SEMA6A: variants seen among roughly 807,000 people sequenced by gnomAD.
SEMA6A encodes semaphorin 6A, also known as semaphorin-6A.
In SEMA6A, 25 loss-of-function variants were observed where a neutral mutation model predicts 96.8. The ratio of observed to expected loss-of-function variants is 0.26; its 90% confidence interval spans 0.19 to 0.36. SEMA6A has a LOEUF of 0.36. SEMA6A is among the 10% of genes least tolerant of loss of function. SEMA6A has a pLI of 1.00. For synonymous variants in SEMA6A, 612 were observed against 518.0 expected (o/e 1.18, Z -2.46); for missense variants, 1,363 against 1,323.1 (o/e 1.03, Z -0.47).
At chr5:116,484,028 C>A (rs1203370021) in intron 10 of SEMA6A, among the ~76,000 whole-genome samples, 1 of 141,626 alleles carries the variant, frequency 7.1e-6, no homozygotes, top group Non-Finnish European at 1.5e-5. Flanking sequence ...TAAGCCACTG[C>A]ACTCCAGCCT....
intron 10 of SEMA6A, among the ~76,000 whole-genome samples, chr5:116,484,957 G>A (rs568310231): frequency 6.6e-6 from 1 of 152,328 alleles, no homozygotes; most frequent in South Asian, 2.1e-4. Context: ...TCATGCCAGA[G>A]AGCTAGGGCT....
intron 1 of SEMA6A, among the ~76,000 whole-genome samples, chr5:116,560,671 A>G (rs2112903822): frequency 6.6e-6 from 1 of 152,166 alleles, no homozygotes; most frequent in South Asian, 2.1e-4. Flanking sequence ...CAGGGTCAAA[A>G]CTGCCACCCT....
intron 1 of SEMA6A, among the ~76,000 whole-genome samples, chr5:116,555,516 G>T (rs185165932): frequency 6.6e-6 from 1 of 152,116 alleles, no homozygotes. Flanking sequence ...AAACTTGTTT[G>T]TATCTATACA....
At chr5:116,566,345 C>T (rs910254342) in intron 1 of SEMA6A, among the ~76,000 whole-genome samples, 3 of 152,116 alleles carry the variant, frequency 2.0e-5, no homozygotes, top group Non-Finnish European at 4.4e-5. Context: ...GTTGGAAATT[C>T]CTAGAAAGCA....
intron 1 of SEMA6A, among the ~76,000 whole-genome samples, chr5:116,573,432 G>A (rs1761320427): frequency 6.6e-6 from 1 of 152,152 alleles, no homozygotes; most frequent in Non-Finnish European, 1.5e-5. Context: ...TTGCCGCTCG[G>A]GTTGGGAGCT....
intron 1 of SEMA6A, among the ~76,000 whole-genome samples, chr5:116,509,447 C>T (rs556032849): frequency 3.3e-4 from 50 of 152,250 alleles, no homozygotes; most frequent in South Asian, 6.2e-4. Flanking sequence ...ACATTAATGG[C>T]GTTGACCTTG....
At chr5:116,466,310 C>T (rs1329183513) in intron 18 of SEMA6A, among the ~76,000 whole-genome samples, 2 of 146,724 alleles carry the variant, frequency 1.4e-5, no homozygotes, top group Non-Finnish European at 3.0e-5. Context: ...ACTTGGGAGG[C>T]GGAGGTTGCA....
chr5:116,558,899 G>A (rs147896492), intron 1 of SEMA6A, among the ~76,000 whole-genome samples: 1 of 152,118 alleles, frequency 6.6e-6, no homozygotes, highest in African/African-American at 2.4e-5. Flanking sequence ...ACATTGAGCC[G>A]GGGGGAGAGG....
intron 17 of SEMA6A, chr5:116,468,437 T>C (rs1755905642): frequency 6.6e-6 from 1 of 152,216 alleles, no homozygotes; most frequent in African/African-American, 2.4e-5. Flanking sequence ...GCTGTCCCTT[T>C]TGTGTATTAT....
At chr5:116,530,783 T>C (rs538850874) in intron 1 of SEMA6A, among the ~76,000 whole-genome samples, 3 of 152,286 alleles carry the variant, frequency 2.0e-5, no homozygotes, top group Non-Finnish European at 4.4e-5. Flanking sequence ...TGACCAAAAA[T>C]ACATGCTTGC....
chr5:116,528,543 G>A (rs1759328181), intron 1 of SEMA6A, among the ~76,000 whole-genome samples: 2 of 152,280 alleles, frequency 1.3e-5, no homozygotes, highest in Non-Finnish European at 1.5e-5. Context: ...ATGAGCTTGC[G>A]ATAGGACCCT....
chr5:116,557,354 G>A (rs920882588), intron 1 of SEMA6A, among the ~76,000 whole-genome samples: 2 of 152,226 alleles, frequency 1.3e-5, no homozygotes, highest in Non-Finnish European at 2.9e-5. Context: ...TGGGATTACA[G>A]GCATGAGACA....
chr5:116,472,653 C>A (rs1276521447), intron 17 of SEMA6A: 2 of 465,102 alleles, frequency 4.3e-6, no homozygotes, highest in Non-Finnish European at 7.5e-6. Flanking sequence ...CTAAGGTTGG[C>A]ATATTTCATG....
chr5:116,444,638 C>T lies in SEMA6A; in HGVS notation c.*1975G>A, dbSNP rs949457403. 6.6e-6 allele frequency: 1 copy of T among 152,644 alleles called. No homozygotes were observed. Among genetic ancestry groups the T allele is most frequent in the Non-Finnish European group, 1.5e-5 (1 of 68,048 alleles). 9.5% of individuals were successfully genotyped at this position (152,644 alleles called of 1,614,324 possible). On this transcript the variant is annotated 3_prime_UTR_variant, in exon 19 of 19. Transcript: ENST00000343348. Reference sequence around the variant, plus strand: ...GAGGAGAAAAACACACACCACCTCCCATCCCCTAAAAACATAATTAACAAA... The same window carrying T: ...GAGGAGAAAAACACACACCACCTCCTATCCCCTAAAAACATAATTAACAAA...
chr5:116,529,626 T>A (rs1266451611), intron 1 of SEMA6A, among the ~76,000 whole-genome samples: 1 of 152,130 alleles, frequency 6.6e-6, no homozygotes, highest in African/African-American at 2.4e-5. Context: ...TTTCAATGGT[T>A]CCAAAACCAT....
chr5:116,537,347 G>A (rs1759761344), intron 1 of SEMA6A, among the ~76,000 whole-genome samples: 1 of 152,164 alleles, frequency 6.6e-6, no homozygotes, highest in Non-Finnish European at 1.5e-5. Flanking sequence ...AAAGACACAT[G>A]GATACTTCAT....
chr5:116,503,783 G>A (rs1356640817), intron 2 of SEMA6A, among the ~76,000 whole-genome samples: 1 of 152,020 alleles, frequency 6.6e-6, no homozygotes, highest in African/African-American at 2.4e-5. Flanking sequence ...CCAAAGTGCT[G>A]GGATTACAGG....
intron 1 of SEMA6A, among the ~76,000 whole-genome samples, chr5:116,530,245 T>C (rs972445711): frequency 2.6e-5 from 4 of 152,166 alleles, no homozygotes; most frequent in South Asian, 2.1e-4. Flanking sequence ...AAAGGCACTA[T>C]TGCTTCCAGT....
chr5:116,501,868 C>T (rs1042146494), intron 3 of SEMA6A, among the ~76,000 whole-genome samples: 2 of 152,154 alleles, frequency 1.3e-5, no homozygotes, highest in Non-Finnish European at 2.9e-5. Flanking sequence ...GCCTGGGCAA[C>T]AAAGAACGAA....
Sources: gnomAD v4.1 joint callset for allele counts (sites outside exome capture counted in the v4.1 genomes callset) on GRCh38, gnomAD v4.1.1 for gene constraint, MANE v1.5 for transcripts, NCBI Gene and HGNC (gene_info 2026-07-23, HGNC 2026-07-21) for gene names.